The following SLC2A9 variants were observed in gnomAD, a reference collection of about 807,000 sequenced individuals.
SLC2A9 encodes the protein solute carrier family 2 member 9.
Under a neutral mutation model 50.6 loss-of-function variants are expected in SLC2A9, and 39 were observed. That is an observed-to-expected ratio of 0.77 (90% CI 0.60 to 1.01). SLC2A9 has a LOEUF of 1.01. Among genes scored for constraint, SLC2A9 ranks in the 50% least tolerant of loss-of-function variants. The pLI is 0.00. For synonymous variants in SLC2A9, 324 were observed against 276.9 expected, an observed-to-expected ratio of 1.17 and a Z score of -1.69; for missense variants, 686 against 677.6, an observed-to-expected ratio of 1.01 and a Z score of -0.14.
chr4:9,898,143 C>T (rs1249607939), intron 8 of SLC2A9, among the ~76,000 whole-genome samples: 1 of 152,080 alleles, frequency 6.6e-6, no homozygotes, highest in African/African-American at 2.4e-5. Context: ...TTGTTTAAGC[C>T]ACGTAGTTTG....
chr4:9,829,195 G>A (rs1001666389), intron 11 of SLC2A9, among the ~76,000 whole-genome samples: 1 of 152,180 alleles, frequency 6.6e-6, no homozygotes, highest in East Asian at 1.9e-4. Flanking sequence ...CTTGAGGTCA[G>A]AAGTTCAGGA....
chr4:9,824,166 A>C (rs191469436), downstream of SLC2A9, among the ~76,000 whole-genome samples: 46 of 152,244 alleles, frequency 3.0e-4, no homozygotes, highest in East Asian at 1.9e-3. Flanking sequence ...GGTTTTATAA[A>C]GAGAAGAGAG....
At chr4:9,849,038 A>G (rs932304496) in intron 10 of SLC2A9, among the ~76,000 whole-genome samples, 4 of 152,170 alleles carry the variant, frequency 2.6e-5, no homozygotes, top group African/African-American at 9.7e-5. Context: ...TGGAGGGCTA[A>G]CCAGGGTGCA....
chr4:9,782,919 C>A (rs763209393), intron 3 of SLC2A9: 4 of 1,613,864 alleles, frequency 2.5e-6, no homozygotes, highest in South Asian at 2.2e-5. Context: ...GTTCTCAAGA[C>A]CCTGTCGGTG....
At chr4:9,883,571 C>A (rs1427711060) in intron 10 of SLC2A9, among the ~76,000 whole-genome samples, 4 of 152,174 alleles carry the variant, frequency 2.6e-5, no homozygotes, top group Non-Finnish European at 5.9e-5. Context: ...AGTTGATGCT[C>A]AAGAAAGGCT....
intron 10 of SLC2A9, among the ~76,000 whole-genome samples, chr4:9,858,908 C>A (rs1287821815): frequency 6.6e-6 from 1 of 152,212 alleles, no homozygotes. Flanking sequence ...AAGATGGAAG[C>A]ACTGACTTGC....
At chr4:9,864,829 A>G (rs1334845100) in intron 10 of SLC2A9, among the ~76,000 whole-genome samples, 2 of 152,226 alleles carry the variant, frequency 1.3e-5, no homozygotes, top group East Asian at 3.8e-4. Context: ...TCGCATGGCA[A>G]AAGGGGTTTT....
intron 5 of SLC2A9, among the ~76,000 whole-genome samples, chr4:9,975,951 A>G (rs1383149270): frequency 2.0e-5 from 3 of 152,244 alleles, no homozygotes; most frequent in Non-Finnish European, 2.9e-5. Context: ...TCGCAGCAAC[A>G]TAGATGGAGC....
chr4:9,931,913 ACTCTCTCTCTCT>A (rs1163786274), intron 6 of SLC2A9, among the ~76,000 whole-genome samples: 170 of 15,594 alleles, frequency 0.011, 4 homozygotes, highest in East Asian at 0.024. Context: ...AATGAGAATG[ACTCTCTCTCTCT>A]CTCTCTCTCT....
chr4:9,851,424 C>G (rs1729895281), intron 10 of SLC2A9, among the ~76,000 whole-genome samples: 1 of 152,188 alleles, frequency 6.6e-6, no homozygotes, highest in Non-Finnish European at 1.5e-5. Flanking sequence ...AAAACCCTAT[C>G]TAAAGGTCAG....
chr4:10,019,280 T>A (rs921995607), intron 1 of SLC2A9: 5 of 588,150 alleles, frequency 8.5e-6, no homozygotes, highest in Non-Finnish European at 1.5e-5. Flanking sequence ...CCGGGCGCCC[T>A]CAGGTTTAGC....
At chr4:9,874,574 G>A (rs1244604289) in intron 10 of SLC2A9, among the ~76,000 whole-genome samples, 1 of 152,254 alleles carries the variant, frequency 6.6e-6, no homozygotes, top group East Asian at 1.9e-4. Context: ...AGAACGGAGT[G>A]CACATGTGTG....
intron 8 of SLC2A9, among the ~76,000 whole-genome samples, chr4:9,898,314 A>T (rs925829992): frequency 1.3e-5 from 2 of 152,240 alleles, no homozygotes; most frequent in Non-Finnish European, 2.9e-5. Flanking sequence ...AATAAACAAC[A>T]TTTTAAAAAG....
intron 3 of SLC2A9, among the ~76,000 whole-genome samples, chr4:9,994,685 C>A (rs1314942273): frequency 1.3e-5 from 2 of 151,262 alleles, no homozygotes; most frequent in Non-Finnish European, 1.5e-5. Context: ...CCTTGTAACA[C>A]ACCTGATACA....
At chr4:10,022,864 C>T (rs1273968559), upstream of SLC2A9, among the ~76,000 whole-genome samples, 1 of 152,140 alleles carries the variant, frequency 6.6e-6, no homozygotes, top group African/African-American at 2.4e-5. Context: ...AGAGGAAAAC[C>T]ACCCTCAGGA....
chr4:9,807,802 G>A (rs1722320847), intron 3 of SLC2A9, among the ~76,000 whole-genome samples: 1 of 152,188 alleles, frequency 6.6e-6, no homozygotes, highest in Non-Finnish European at 1.5e-5. Context: ...GTTTCTCTAA[G>A]GAGAGATGCA....
At chr4:9,855,077 C>A (rs1730523592) in intron 10 of SLC2A9, among the ~76,000 whole-genome samples, 1 of 152,136 alleles carries the variant, frequency 6.6e-6, no homozygotes, top group African/African-American at 2.4e-5. Flanking sequence ...TCTTACCACT[C>A]CTATTCAACA....
intron 11 of SLC2A9, among the ~76,000 whole-genome samples, chr4:9,831,213 C>T (rs543392677): frequency 1.3e-5 from 2 of 152,110 alleles, no homozygotes; most frequent in African/African-American, 4.8e-5. Flanking sequence ...GGCTGAACTG[C>T]GTCCCTCCTG....
chr4:10,020,081 G>T (rs574968507), intron 1 of SLC2A9, among the ~76,000 whole-genome samples: 1 of 144,246 alleles, frequency 6.9e-6, no homozygotes, highest in African/African-American at 2.5e-5. Flanking sequence ...TGTTGTAGGC[G>T]CCAGGCCCTG....
Sources: allele counts gnomAD v4.1 joint callset (sites outside exome capture counted in the v4.1 genomes callset), GRCh38; gene constraint gnomAD v4.1.1; transcripts MANE v1.5; gene names NCBI Gene and HGNC (gene_info 2026-07-23, HGNC 2026-07-21).